Variants in PBX1 observed in about 807,000 individuals in gnomAD.
The protein encoded by PBX1 is pre-B-cell leukemia transcription factor 1.
Under a neutral mutation model 53.4 loss-of-function variants are expected in PBX1, and 6 were observed. The observed-to-expected ratio is 0.11, with a 90% confidence interval of 0.06 to 0.22. The LOEUF is 0.22. Ranked by LOEUF, PBX1 falls within the 10% of genes least tolerant of loss-of-function variation. The probability of loss-of-function intolerance (pLI) is 1.00; values close to 1 mark genes in which losing one functional copy is unlikely to be tolerated. For missense variants in PBX1, 251 were observed against 551.4 expected (o/e 0.46, Z 5.46); for synonymous variants, 204 against 212.3 (o/e 0.96, Z 0.34).
At chr1:164,735,357 A>G (rs1372892409) in intron 2 of PBX1, among the ~76,000 whole-genome samples, 1 of 152,236 alleles carries the variant, frequency 6.6e-6, no homozygotes, top group Non-Finnish European at 1.5e-5. Context: ...ATGTAAGTAT[A>G]GATTGGTATT....
intron 2 of PBX1, among the ~76,000 whole-genome samples, chr1:164,574,626 C>T (rs1405609957): frequency 6.6e-6 from 1 of 152,066 alleles, no homozygotes; most frequent in Non-Finnish European, 1.5e-5. Flanking sequence ...TTAACGTTAC[C>T]CTCCATCAAT....
chr1:164,798,907 G>A (rs1187472768), intron 3 of PBX1, among the ~76,000 whole-genome samples: 1 of 152,192 alleles, frequency 6.6e-6, no homozygotes, highest in Non-Finnish European at 1.5e-5. Context: ...AAATCTCCCA[G>A]AAGAGTTATC....
At chr1:164,876,005 T>TATAC (rs1487676214) in intron 2 of PBX1, among the ~76,000 whole-genome samples, 8 of 56,840 alleles carry the variant, frequency 1.4e-4, no homozygotes, top group African/African-American at 2.3e-4. Context: ...TATATATATA[T>TATAC]ACACACATAC....
chr1:164,725,239 G>A (rs2102119875), intron 2 of PBX1, among the ~76,000 whole-genome samples: 1 of 152,286 alleles, frequency 6.6e-6, no homozygotes, highest in East Asian at 1.9e-4. Flanking sequence ...CCATGATACA[G>A]ACTAATGGTG....
At chr1:164,677,343 C>T (rs1037603959) in intron 2 of PBX1, among the ~76,000 whole-genome samples, 11 of 151,768 alleles carry the variant, frequency 7.2e-5, no homozygotes, top group Admixed American at 2.6e-4. Flanking sequence ...CCACCCGCCT[C>T]GGCCTCCCAA....
At chr1:164,752,209 TGTGTG>T (rs1666272484) in intron 2 of PBX1, among the ~76,000 whole-genome samples, 1 of 84,348 alleles carries the variant, frequency 1.2e-5, no homozygotes, top group Non-Finnish European at 3.0e-5. Flanking sequence ...TAAGGTTTTG[TGTGTG>T]TGTGTGTGTG....
intron 2 of PBX1, among the ~76,000 whole-genome samples, chr1:164,594,425 G>A (rs1655616836): frequency 6.6e-6 from 1 of 152,134 alleles, no homozygotes; most frequent in Non-Finnish European, 1.5e-5. Flanking sequence ...TTACCGAGTA[G>A]CTGGGATTAC....
intron 2 of PBX1, among the ~76,000 whole-genome samples, chr1:164,717,926 C>G (rs1394152754): frequency 1.3e-5 from 2 of 152,202 alleles, no homozygotes; most frequent in Admixed American, 6.5e-5. Flanking sequence ...TGTTAATATA[C>G]TAGCAATCTT....
intron 8 of PBX1, among the ~76,000 whole-genome samples, chr1:164,827,615 C>G (rs1670535491): frequency 6.6e-6 from 1 of 152,264 alleles, no homozygotes. Context: ...GCCTTTAAAC[C>G]TAGCACCATA....
At chr1:164,726,480 G>T (rs925970767) in intron 2 of PBX1, among the ~76,000 whole-genome samples, 19 of 152,164 alleles carry the variant, frequency 1.2e-4, no homozygotes, top group African/African-American at 3.9e-4. Context: ...CATAAATATG[G>T]CTGGAACCAA....
At position 164,848,980 on chromosome 1, in the gene PBX1, C is replaced by T. The variant is rs760758168; in HGVS notation, c.*2304C>T. The T allele has an allele frequency of 2.4e-5, 27 of 1,104,290 alleles. No individual in the cohort carries two copies. The highest frequency in any genetic ancestry group is 2.9e-5 in the Non-Finnish European group (26 of 904,708). The allele number at this position is 1,104,290 out of a possible 1,614,324, so 68.4% of individuals were successfully genotyped here. A position where few individuals can be genotyped will look rare whatever the true frequency, so the allele number is the denominator to read the frequency against. ...AAAGGTTGTGTCTACTAACTTCAGC[C>T]CTAATCAGAACAGATGCCTAGAAGG... On this transcript the variant is annotated 3_prime_UTR_variant, in exon 9 of 9. Coordinates refer to ENST00000420696, the MANE Select transcript of PBX1 (RefSeq NM_002585.4).
At chr1:164,678,592 A>G (rs1464753051) in intron 2 of PBX1, among the ~76,000 whole-genome samples, 1 of 152,214 alleles carries the variant, frequency 6.6e-6, no homozygotes, top group African/African-American at 2.4e-5. Flanking sequence ...GCCACAGCCC[A>G]TTTAGGGGAA....
At chr1:164,786,463 T>C (rs1668179588) in intron 2 of PBX1, among the ~76,000 whole-genome samples, 1 of 152,086 alleles carries the variant, frequency 6.6e-6, no homozygotes, top group South Asian at 2.1e-4. Context: ...AATAGGACTG[T>C]AGTAAGTGGA....
At chr1:164,625,668 A>G (rs1450871530) in intron 2 of PBX1, among the ~76,000 whole-genome samples, 1 of 152,130 alleles carries the variant, frequency 6.6e-6, no homozygotes, top group Non-Finnish European at 1.5e-5. Flanking sequence ...GAAAATTAGC[A>G]GCTTCTTTGA....
chr1:164,820,235 C>T (rs1261934199), intron 7 of PBX1, 51 bp downstream of exon 7: 10 of 1,016,400 alleles, frequency 9.8e-6, no homozygotes, highest in Non-Finnish European at 1.6e-5. Flanking sequence ...AGTCCAAGAG[C>T]CCTCAGTTGT....
At chr1:164,870,435 C>G (rs1672355524) in intron 2 of PBX1, among the ~76,000 whole-genome samples, 1 of 151,610 alleles carries the variant, frequency 6.6e-6, no homozygotes, top group African/African-American at 2.4e-5. Context: ...ACCTCTGCCT[C>G]CTGGGTTCAA....
chr1:164,751,087 G>A (rs1032487543), intron 2 of PBX1, among the ~76,000 whole-genome samples: 1 of 151,958 alleles, frequency 6.6e-6, no homozygotes, highest in Non-Finnish European at 1.5e-5. Flanking sequence ...AGGCTGAGGC[G>A]GGCGGATCAC....
At chr1:164,706,391 A>C (rs1557955432) in intron 2 of PBX1, among the ~76,000 whole-genome samples, 1 of 152,168 alleles carries the variant, frequency 6.6e-6, no homozygotes, top group Non-Finnish European at 1.5e-5. Context: ...ATTAGAATCC[A>C]CTAGTGGAGT....
Position 164,583,281 on chromosome 1 carries a change from G to A in PBX1, c.265+19970G>A, listed in dbSNP as rs112881149. On this transcript the variant is annotated intron_variant, in intron 2 of 8. Coordinates refer to ENST00000420696, the MANE Select transcript of PBX1 (RefSeq NM_002585.4). ...TTTGGATCTTTAAGCCAAGAGAGGC[G>A]GGAAAAAAAAAAAAAGAATAATAGG... Among the ~76,000 whole-genome samples, 272 of 142,344 alleles carry A rather than the reference G, an allele frequency of 1.9e-3. 2 individuals carry two copies. The highest frequency in any genetic ancestry group is 6.4e-3 in the African/African-American group (258 of 40,348). 93.4% of individuals were successfully genotyped at this position (142,344 alleles called of 152,430 possible). A position where few individuals can be genotyped will look rare whatever the true frequency, so the allele number is the denominator to read the frequency against.
Sources: gnomAD v4.1 joint callset for allele counts (sites outside exome capture counted in the v4.1 genomes callset) on GRCh38, gnomAD v4.1.1 for gene constraint, MANE v1.5 for transcripts, NCBI Gene and HGNC (gene_info 2026-07-23, HGNC 2026-07-21) for gene names.